RBL2: variants seen among roughly 807,000 people sequenced by gnomAD.
RBL2 encodes retinoblastoma-like protein 2.
In RBL2, 56 loss-of-function variants were observed where a neutral mutation model predicts 126.0. The ratio of observed to expected loss-of-function variants is 0.44; its 90% CI spans 0.36 to 0.56. The LOEUF (loss-of-function observed/expected upper bound fraction) is 0.56. RBL2 is among the 20% of genes least tolerant of loss of function. RBL2 has a pLI of 0.00. For missense variants in RBL2, 1,229 were observed against 1,398.2 expected (o/e 0.88, Z 1.93); for synonymous variants, 454 against 478.5 (o/e 0.95, Z 0.67).
At chr16:53,478,666 C>T (rs913743591) in intron 17 of RBL2, among the ~76,000 whole-genome samples, 2 of 151,794 alleles carry the variant, frequency 1.3e-5, no homozygotes, top group Non-Finnish European at 2.9e-5. Flanking sequence ...GCTCTGTCAC[C>T]CAGGCTGTAC....
At chr16:53,453,677 G>A (rs17192524) in intron 6 of RBL2, 28 bp from the exon 7 acceptor site, 72,794 of 1,603,964 alleles carry the variant, frequency 0.045, 2,030 homozygotes, top group Non-Finnish European at 0.051. Context: ...TTAACATGAC[G>A]ACTTAAGGAT....
At chr16:53,452,675 T>C (rs1238326226) in intron 5 of RBL2, among the ~76,000 whole-genome samples, 1 of 151,114 alleles carries the variant, frequency 6.6e-6, no homozygotes, top group Non-Finnish European at 1.5e-5. Flanking sequence ...TAAAAAGAAT[T>C]TTTTTTTTTG....
At chr16:53,443,734 AAAT>A (rs1598089891) in intron 3 of RBL2, among the ~76,000 whole-genome samples, 2 of 152,248 alleles carry the variant, frequency 1.3e-5, no homozygotes, top group Admixed American at 1.3e-4. Flanking sequence ...TGGCTAGAAT[AAAT>A]AATGTTTGCT....
chr16:53,458,789 A>G (rs1322744789), intron 8 of RBL2, among the ~76,000 whole-genome samples: 3 of 152,154 alleles, frequency 2.0e-5, no homozygotes, highest in East Asian at 3.8e-4. Flanking sequence ...AACCCCTGAT[A>G]AGGCCGTCAG....
At chr16:53,442,964 A>T in intron 3 of RBL2, 106 bp downstream of exon 3, 1 of 913,404 alleles carries the variant, frequency 1.1e-6, no homozygotes, top group Non-Finnish European at 1.6e-6. Flanking sequence ...ATAAGATTTA[A>T]AAAATCTTTT....
rs150928698 is a variant in RBL2, at chr16:53,469,982, G to A, written c.2042G>A (p.Arg681Gln). ...CCACCAGCCAGCACTACCAGAAGGC[G>A]GCTATTTGTTGAGAATGATAGCCCC... ...SSPPASTTRR[R>Q]LFVENDSPSD... is the part of the protein sequence containing the mutation. Residue 681 changes from arginine (R) to glutamine (Q), a missense_variant, in exon 15 of 22, where the codon CGG becomes CAG. Physicochemically the swap from Arg to Gln is conservative, Grantham distance 43. This residue lies in a region of RBL2 where 1,070 missense variants were observed against 1,274.3 expected (regional missense o/e 0.84). Coordinates refer to ENST00000262133, the MANE Select transcript of RBL2 (RefSeq NM_005611.4). 1.4e-5 allele frequency: 22 copies of A among 1,613,918 alleles called. No homozygotes were observed. Among genetic ancestry groups the A allele is most frequent in the African/African-American group, 4.0e-5 (3 of 74,934 alleles).
chr16:53,462,419 A>G (rs1340364622), intron 10 of RBL2, 133 bp from the exon 11 acceptor site: 8 of 524,566 alleles, frequency 1.5e-5, no homozygotes, highest in Admixed American at 8.0e-5. Flanking sequence ...TAAAACACCA[A>G]TCATAAGAAG....
At chr16:53,446,821 T>C (rs1416234752) in intron 3 of RBL2, among the ~76,000 whole-genome samples, 3 of 152,190 alleles carry the variant, frequency 2.0e-5, no homozygotes, top group African/African-American at 4.8e-5. Flanking sequence ...AAAAATTCTT[T>C]AAGAATTTTC....
intron 12 of RBL2, chr16:53,464,589 T>C (rs2058253776): frequency 2.8e-6 from 1 of 354,468 alleles, no homozygotes; most frequent in Non-Finnish European, 4.9e-6. Context: ...TTCCTCTCTA[T>C]CTAATAAAAG....
chr16:53,483,854 G>A (rs1156744041), intron 21 of RBL2, among the ~76,000 whole-genome samples: 2 of 151,908 alleles, frequency 1.3e-5, no homozygotes, highest in African/African-American at 4.8e-5. Context: ...TCCAGCCTGG[G>A]GGACAAGAGC....
chr16:53,435,108 G>C (rs2057944893), intron 1 of RBL2, among the ~76,000 whole-genome samples: 1 of 152,106 alleles, frequency 6.6e-6, no homozygotes, highest in Non-Finnish European at 1.5e-5. Context: ...CGCCCGCCTT[G>C]TTAGTAGAAT....
In RBL2 at chr16:53,462,598, AG is replaced by A. The variant is rs1274001317; in HGVS notation, c.1504del (p.Val502TyrfsTer2). On this transcript the variant is annotated frameshift_variant, in exon 11 of 22. Transcript: ENST00000262133. LOFTEE classifies it high-confidence loss of function. ...GTTTTGCGGAGATGCTTTACTATAA[AG>A]TATTAGAATCTGTTATTGAGCAGGA... The part of the protein sequence containing the change: ...FRFAEMLYYK[V>X]LESVIEQEQK... 1 of 1,568,450 alleles carries A rather than the reference AG, an allele frequency of 6.4e-7. No homozygotes were observed. Among genetic ancestry groups the A allele is most frequent in the Non-Finnish European group, 8.6e-7 (1 of 1,166,312 alleles).
chr16:53,484,107 C>T (rs561518867), intron 21 of RBL2, among the ~76,000 whole-genome samples: 1 of 152,286 alleles, frequency 6.6e-6, no homozygotes, highest in East Asian at 1.9e-4. Flanking sequence ...CCTAGTAGGA[C>T]TGGTTATGAA....
At chr16:53,483,745 T>C (rs1414827174) in intron 21 of RBL2, among the ~76,000 whole-genome samples, 2 of 151,862 alleles carry the variant, frequency 1.3e-5, no homozygotes, top group Non-Finnish European at 2.9e-5. Flanking sequence ...ACAAAAAAAT[T>C]AGCCGGGCAT....
intron 11 of RBL2, 121 bp from the exon 12 acceptor site, chr16:53,464,105 C>A: frequency 1.4e-6 from 1 of 696,118 alleles, no homozygotes; most frequent in Non-Finnish European, 2.1e-6. Flanking sequence ...AAAATAAGGA[C>A]ACACTTTGCA....
intron 5 of RBL2, among the ~76,000 whole-genome samples, chr16:53,453,036 C>A (rs2058130499): frequency 6.6e-6 from 1 of 151,960 alleles, no homozygotes; most frequent in South Asian, 2.1e-4. Context: ...AAATTGTAAA[C>A]TAGTATGAAA....
intron 17 of RBL2, among the ~76,000 whole-genome samples, chr16:53,472,414 T>C (rs551696694): frequency 6.6e-6 from 1 of 152,346 alleles, no homozygotes; most frequent in East Asian, 1.9e-4. Flanking sequence ...CTCCACATCC[T>C]TGCCAACTTA....
chr16:53,457,737 A>G (rs1381392289), intron 8 of RBL2, among the ~76,000 whole-genome samples: 1 of 152,244 alleles, frequency 6.6e-6, no homozygotes. Flanking sequence ...CCCAAGTTAA[A>G]GATTCCTCTT....
chr16:53,468,059 G>A (rs888011914), intron 14 of RBL2, among the ~76,000 whole-genome samples: 1 of 152,318 alleles, frequency 6.6e-6, no homozygotes, highest in South Asian at 2.1e-4. Flanking sequence ...CTGCTTAGAA[G>A]ATCTGCAAGG....
Sources: allele counts gnomAD v4.1 joint callset (sites outside exome capture counted in the v4.1 genomes callset), GRCh38; gene constraint gnomAD v4.1.1; regional missense constraint gnomAD v4.1.1; transcripts MANE v1.5; gene names NCBI Gene and HGNC (gene_info 2026-07-23, HGNC 2026-07-21).